The following RBM38 variants were observed in gnomAD, a reference collection of about 807,000 sequenced individuals.
The protein encoded by RBM38 is RNA binding motif protein 38, also known as RNA-binding protein 38.
A neutral mutation model predicts 23.5 loss-of-function variants in RBM38; 11 were observed. That is an observed-to-expected ratio of 0.47 (90% CI 0.29 to 0.77). The LOEUF is 0.77. RBM38 is among the 30% of genes least tolerant of loss of function. The pLI is 0.08. For missense variants in RBM38, 330 were observed against 351.9 expected, an observed-to-expected ratio of 0.94 and a Z score of 0.50; for synonymous variants, 165 against 166.1, an observed-to-expected ratio of 0.99 and a Z score of 0.05.
rs2067414588 is a variant in RBM38 at position 57,408,712 on chromosome 20, AG to A, written c.*868del. 1.3e-5 allele frequency: 2 copies of A among 152,170 alleles called. No individual in the cohort carries two copies. The highest frequency in any genetic ancestry group is 4.8e-5 in the African/African-American group (2 of 41,444). The allele number at this position is 152,170 out of a possible 1,614,324, so 9.4% of individuals were successfully genotyped here. On this transcript the variant is annotated 3_prime_UTR_variant, in exon 4 of 4. Coordinates refer to ENST00000356208, the MANE Select transcript of RBM38 (RefSeq NM_017495.6). ...TCTCGGTGGGATGGGCACCACAGAC[AG>A]GAGGCCCCTCAGGCCCGTGCGGGCC... is the stretch of plus-strand genomic sequence containing the variant.
intron 3 of RBM38, among the ~76,000 whole-genome samples, chr20:57,397,324 G>T (rs1252268961): frequency 6.6e-6 from 1 of 152,234 alleles, no homozygotes; most frequent in Non-Finnish European, 1.5e-5. Context: ...CACATCCCAG[G>T]ATGGTGGGGC....
At chr20:57,392,012 G>A (rs1380846038) in intron 1 of RBM38, among the ~76,000 whole-genome samples, 194 bp downstream of exon 1, 2 of 79,644 alleles carry the variant, frequency 2.5e-5, no homozygotes, top group Middle Eastern at 9.3e-3. Flanking sequence ...CCAGGCCCCG[G>A]CCCCCACCCC....
intron 3 of RBM38, among the ~76,000 whole-genome samples, chr20:57,401,340 GGCTGTGCCTGTCTA>G (rs1304604098): frequency 6.6e-6 from 1 of 152,222 alleles, no homozygotes; most frequent in Non-Finnish European, 1.5e-5. Context: ...GAGGCTGGCG[GGCTGTGCCTGTCTA>G]GCTGTGACTT....
chr20:57,397,983 T>TA (rs1345330722), intron 3 of RBM38, among the ~76,000 whole-genome samples: 1 of 152,088 alleles, frequency 6.6e-6, no homozygotes. Flanking sequence ...ACAGTTTGTG[T>TA]GTAACTACAC....
rs1285740350 is a variant in RBM38, at chr20:57,408,941, C to G, written c.*1095C>G. ...CTGGGGGGGGCAGTGGCCCTCAGCTCTGCCCGCTGGAGCGGTTGAGTGCAG... is the reference window on the plus strand; with the variant it reads ...CTGGGGGGGGCAGTGGCCCTCAGCTGTGCCCGCTGGAGCGGTTGAGTGCAG... On this transcript the variant is annotated 3_prime_UTR_variant, in exon 4 of 4. Coordinates refer to ENST00000356208, the MANE Select transcript of RBM38 (RefSeq NM_017495.6). The G allele has an allele frequency of 6.5e-6, 1 of 152,862 alleles. No homozygotes were observed. The highest frequency in any genetic ancestry group is 1.5e-5 in the Non-Finnish European group (1 of 68,196). The allele number at this position is 152,862 out of a possible 1,614,324, so 9.5% of individuals were successfully genotyped here.
intron 3 of RBM38, among the ~76,000 whole-genome samples, chr20:57,400,883 A>G (rs559069536): frequency 3.3e-5 from 5 of 152,192 alleles, no homozygotes; most frequent in African/African-American, 1.2e-4. Context: ...CTTTGAGGTT[A>G]CAGCTGGGCT....
chr20:57,407,550 C>G lies in RBM38; in HGVS notation c.424C>G (p.Pro142Ala), dbSNP rs1404247735. ...TLIQRTYGLTPHYIYPPAIVQ... is the reference protein window; with the variant it reads ...TLIQRTYGLTAHYIYPPAIVQ... The stretch of plus-strand genomic sequence containing the variant: ...CTCTGCTTGGCCCCACAGGCTGACC[C>G]CGCACTACATCTACCCACCAGCCAT... The change falls in exon 4 of 4, where the codon CCG becomes GCG. Residue 142 changes from proline (P) to alanine (A), a missense_variant. Around this residue, in one of 3 missense-constraint regions of RBM38, gnomAD observed 227 missense variants for 216.4 expected, o/e 1.05. Coordinates refer to ENST00000356208, the MANE Select transcript of RBM38 (RefSeq NM_017495.6). The surrounding 1 kb of genome is among the most constrained non-coding windows in gnomAD (Gnocchi z 4.0). 6.2e-7 allele frequency: 1 copy of G among 1,613,532 alleles called. No individual in the cohort carries two copies. The highest frequency in any genetic ancestry group is 8.5e-7 in the Non-Finnish European group (1 of 1,179,654).
rs1267252936 is a variant in RBM38 at position 57,407,598 on chromosome 20, C to T, written c.472C>T (p.Pro158Ser). ...CATCGTGCAGCCCAGCGTGGTGATC[C>T]CAGCCGCCCCTGTCCCGTCGCTGTC... ...PAIVQPSVVI[P>S]AAPVPSLSSP... Residue 158 changes from proline to serine, a missense_variant, in exon 4 of 4, where the codon CCA becomes TCA. Pro to Ser is a moderately conservative substitution (Grantham distance 74). This residue lies in a region of RBM38 where 227 missense variants were observed against 216.4 expected (regional missense o/e 1.05). Transcript: ENST00000356208. The surrounding 1 kb of genome is among the most constrained non-coding windows in gnomAD (Gnocchi z 4.0). 3.7e-6 allele frequency: 6 copies of T among 1,613,646 alleles called. No homozygotes were observed. The highest frequency in any genetic ancestry group is 1.1e-5 in the South Asian group (1 of 91,060).
At chr20:57,393,704 T>C (rs1001255028) in intron 3 of RBM38, among the ~76,000 whole-genome samples, 1 of 152,222 alleles carries the variant, frequency 6.6e-6, no homozygotes, top group Non-Finnish European at 1.5e-5. Flanking sequence ...TGATGACTCT[T>C]AGGGACTGGC....
chr20:57,399,873 TGGA>T (rs2146211017), intron 3 of RBM38: 1 of 456,330 alleles, frequency 2.2e-6, no homozygotes, highest in East Asian at 6.9e-5. Context: ...GCAAGGCCCC[TGGA>T]GAGCAGGGAA....
chr20:57,398,281 C>T (rs573706675), intron 3 of RBM38, among the ~76,000 whole-genome samples: 18 of 152,150 alleles, frequency 1.2e-4, no homozygotes, highest in African/African-American at 4.1e-4. Flanking sequence ...TGTGTACGCA[C>T]GCACACGTGT....
chr20:57,402,613 G>A (rs2067339914), intron 3 of RBM38, among the ~76,000 whole-genome samples: 1 of 152,254 alleles, frequency 6.6e-6, no homozygotes, highest in East Asian at 1.9e-4. Flanking sequence ...AGAGGCTGTG[G>A]CACCTGAGCT....
At chr20:57,393,505 G>A (rs1359533737) in intron 3 of RBM38, among the ~76,000 whole-genome samples, 172 bp downstream of exon 3, 1 of 152,206 alleles carries the variant, frequency 6.6e-6, no homozygotes, top group Non-Finnish European at 1.5e-5. Flanking sequence ...CCTGGCAGAG[G>A]CCATACCACC....
intron 3 of RBM38, among the ~76,000 whole-genome samples, chr20:57,395,466 TG>T (rs2067264351): frequency 1.3e-5 from 2 of 152,176 alleles, no homozygotes; most frequent in African/African-American, 4.8e-5. Flanking sequence ...GACGGTGTTT[TG>T]TAACTAAATC....
intron 3 of RBM38, among the ~76,000 whole-genome samples, chr20:57,402,244 A>G (rs2067335885): frequency 6.6e-6 from 1 of 152,180 alleles, no homozygotes; most frequent in African/African-American, 2.4e-5. Flanking sequence ...GATGTTTTTA[A>G]GACAGCTCCA....
intron 3 of RBM38, chr20:57,400,107 T>C (rs1293069068): frequency 2.4e-6 from 1 of 417,750 alleles, no homozygotes; most frequent in East Asian, 7.1e-5. Flanking sequence ...GGGGGCAATC[T>C]GTTGGACTCT....
Position 57,407,909 on chromosome 20 carries a change from C to T in RBM38, c.*63C>T. On this transcript the variant is annotated 3_prime_UTR_variant, in exon 4 of 4. Coordinates refer to ENST00000356208, the MANE Select transcript of RBM38 (RefSeq NM_017495.6). The surrounding 1 kb of genome is among the most constrained non-coding windows in gnomAD (Gnocchi z 4.0). ...TTCACAGCAGACAGAGCTGCCAGGCCATGATGGGCTGGCGACAGCCCGGCT... is the reference window on the plus strand; with the variant it reads ...TTCACAGCAGACAGAGCTGCCAGGCTATGATGGGCTGGCGACAGCCCGGCT... 1 of 1,493,116 alleles carries T rather than the reference C, an allele frequency of 6.7e-7. No homozygotes were observed. Among genetic ancestry groups the T allele is most frequent in the Non-Finnish European group, 8.9e-7 (1 of 1,120,966 alleles). The allele number at this position is 1,493,116 out of a possible 1,614,324, so 92.5% of individuals were successfully genotyped here.
Position 57,408,171 on chromosome 20 carries a change from C to T in RBM38, c.*325C>T, listed in dbSNP as rs1352397756. On this transcript the variant is annotated 3_prime_UTR_variant, in exon 4 of 4. Transcript: ENST00000356208. ...TCTCCACACTCCAGGTTCCCTCAGGCTTGTGTCCCCACTGCTGCATCGTGG... is the reference window on the plus strand; with the variant it reads ...TCTCCACACTCCAGGTTCCCTCAGGTTTGTGTCCCCACTGCTGCATCGTGG... 2 of 440,518 alleles carry T rather than the reference C, an allele frequency of 4.5e-6. No individual in the cohort carries two copies. Among genetic ancestry groups the T allele is most frequent in the Non-Finnish European group, 8.4e-6 (2 of 236,928 alleles). The allele number at this position is 440,518 out of a possible 1,614,324, so 27.3% of individuals were successfully genotyped here. A position where few individuals can be genotyped will look rare whatever the true frequency, so the allele number is the denominator to read the frequency against.
chr20:57,399,558 G>T (rs1033025844), intron 3 of RBM38, among the ~76,000 whole-genome samples: 2 of 152,242 alleles, frequency 1.3e-5, no homozygotes, highest in African/African-American at 4.8e-5. Context: ...GGAGGCAGCT[G>T]TGCAGTACAG....
Sources: allele counts gnomAD v4.1 joint callset (sites outside exome capture counted in the v4.1 genomes callset), GRCh38; gene constraint gnomAD v4.1.1; regional missense constraint gnomAD v4.1.1; non-coding constraint Gnocchi (gnomAD v3.1); transcripts MANE v1.5; gene names NCBI Gene and HGNC (gene_info 2026-07-23, HGNC 2026-07-21).